CCDC148: variants seen among roughly 807,000 people sequenced by gnomAD.
CCDC148 encodes coiled-coil domain containing 148.
CCDC148 carries 89 observed loss-of-function variants against 85.7 expected under a neutral mutation model. The observed-to-expected ratio is 1.04, with a 90% CI of 0.87 to 1.24. The LOEUF is 1.24. Ranked by LOEUF, CCDC148 falls within the 50% of genes most tolerant of loss-of-function variation. CCDC148 has a pLI of 0.00. For synonymous variants in CCDC148, 230 were observed against 213.9 expected, an observed-to-expected ratio of 1.08 and a Z score of -0.66; for missense variants, 692 against 671.7, an observed-to-expected ratio of 1.03 and a Z score of -0.33.
chr2:158,361,944 C>G (rs1391512168), intron 1 of CCDC148, among the ~76,000 whole-genome samples: 1 of 133,108 alleles, frequency 7.5e-6, no homozygotes, highest in African/African-American at 2.8e-5. Context: ...CAAAGATACA[C>G]ATAGGCTCAA....
chr2:158,309,525 G>A lies in CCDC148; in HGVS notation c.1018C>T (p.Leu340Phe). 1 of 1,613,960 alleles carries A rather than the reference G, an allele frequency of 6.2e-7. No homozygotes were observed. The highest frequency in any genetic ancestry group is 8.5e-7 in the Non-Finnish European group (1 of 1,179,836). Residue 340 changes from leucine to phenylalanine, a missense_variant, in exon 9 of 14, where the codon CTC becomes TTC. By Grantham distance (22) the Leu-to-Phe change is conservative. Transcript: ENST00000283233. ...KDFIQKAVLT[L>F]TEACATHEME... ...TCATGTGTTGCACAAGCCTCAGTGA[G>A]TGTCAGCACAGCCTTCTGTATAAAG...
intron 1 of CCDC148, among the ~76,000 whole-genome samples, chr2:158,377,639 T>C (rs777197906): frequency 4.6e-5 from 7 of 152,082 alleles, no homozygotes; most frequent in Non-Finnish European, 7.4e-5. Flanking sequence ...TTCACAGATA[T>C]TGAAGTTCTG....
intron 9 of CCDC148, among the ~76,000 whole-genome samples, chr2:158,288,179 C>T (rs1264098492): frequency 6.6e-6 from 1 of 152,202 alleles, no homozygotes; most frequent in Non-Finnish European, 1.5e-5. Flanking sequence ...TGTTTTCCTC[C>T]TACACTCTGC....
intron 12 of CCDC148, 62 bp from the exon 13 acceptor site, chr2:158,176,723 T>A: frequency 6.3e-7 from 1 of 1,577,664 alleles, no homozygotes; most frequent in Non-Finnish European, 8.7e-7. Flanking sequence ...CTGGGCAACA[T>A]TATTGATGTC....
At chr2:158,393,529 A>G (rs1007730928) in intron 1 of CCDC148, among the ~76,000 whole-genome samples, 6 of 152,092 alleles carry the variant, frequency 3.9e-5, no homozygotes, top group Non-Finnish European at 8.8e-5. Context: ...CAAGGGTGGG[A>G]TATGTTTGAA....
chr2:158,212,907 A>T (rs1178280118), intron 11 of CCDC148, among the ~76,000 whole-genome samples: 2 of 152,180 alleles, frequency 1.3e-5, no homozygotes, highest in African/African-American at 4.8e-5. Context: ...ATTTCTACAA[A>T]AAGTGGAATG....
At chr2:158,304,684 G>A (rs1218366309) in intron 9 of CCDC148, among the ~76,000 whole-genome samples, 1 of 152,132 alleles carries the variant, frequency 6.6e-6, no homozygotes, top group African/African-American at 2.4e-5. Context: ...TGTTCTCACC[G>A]TAACCAGAAG....
chr2:158,258,020 G>A (rs1689078142), intron 9 of CCDC148, among the ~76,000 whole-genome samples: 2 of 151,788 alleles, frequency 1.3e-5, no homozygotes, highest in African/African-American at 4.8e-5. Context: ...TCCCAGTTCT[G>A]GGCCTCAAAT....
intron 2 of CCDC148, among the ~76,000 whole-genome samples, chr2:158,353,086 C>A (rs569964601): frequency 4.0e-5 from 6 of 151,860 alleles, no homozygotes; most frequent in Admixed American, 3.9e-4. Flanking sequence ...GCCCTAAACA[C>A]GGAAAAGAAC....
chr2:158,349,766 C>T (rs78756210), intron 2 of CCDC148, among the ~76,000 whole-genome samples: 1,531 of 152,030 alleles, frequency 0.01, 17 homozygotes, highest in Non-Finnish European at 0.016. Context: ...AAAATGAAAA[C>T]TGCATGAAGA....
At chr2:158,224,008 G>A (rs1295521140) in intron 10 of CCDC148, among the ~76,000 whole-genome samples, 2 of 152,076 alleles carry the variant, frequency 1.3e-5, no homozygotes, top group Non-Finnish European at 2.9e-5. Flanking sequence ...GGCTTCAGAC[G>A]ATCAAACTAC....
At chr2:158,371,671 C>CATATAT (rs60128846) in intron 1 of CCDC148, among the ~76,000 whole-genome samples, 1,540 of 149,388 alleles carry the variant, frequency 0.01, 19 homozygotes, top group African/African-American at 0.034. Flanking sequence ...TGTTCATATA[C>CATATAT]ATATATATAT....
At chr2:158,233,690 A>G (rs1447127352) in intron 10 of CCDC148, among the ~76,000 whole-genome samples, 4 of 152,046 alleles carry the variant, frequency 2.6e-5, no homozygotes, top group African/African-American at 9.7e-5. Flanking sequence ...TTGGAGGTGC[A>G]TTTAATCCCA....
At chr2:158,210,961 A>G (rs1362247181) in intron 11 of CCDC148, among the ~76,000 whole-genome samples, 1 of 134,816 alleles carries the variant, frequency 7.4e-6, no homozygotes, top group Non-Finnish European at 1.7e-5. Context: ...TCTGTCTCGA[A>G]AAAAAAAAAA....
At chr2:158,173,711 A>G (rs1574332630) in intron 13 of CCDC148, among the ~76,000 whole-genome samples, 1 of 152,078 alleles carries the variant, frequency 6.6e-6, no homozygotes, top group East Asian at 1.9e-4. Context: ...TGTGTCTGAG[A>G]AGCAATAAAT....
intron 1 of CCDC148, among the ~76,000 whole-genome samples, chr2:158,399,125 C>G (rs11681049): frequency 0.18 from 26,894 of 152,072 alleles, 3,110 homozygotes; most frequent in Non-Finnish European, 0.25. Flanking sequence ...GAAATTGAGG[C>G]AATAGTTAAT....
At chr2:158,277,558 C>A (rs1690011516) in intron 9 of CCDC148, among the ~76,000 whole-genome samples, 2 of 152,110 alleles carry the variant, frequency 1.3e-5, no homozygotes, top group South Asian at 2.1e-4. Context: ...AGGCATGGCC[C>A]CTTTCAATAC....
At chr2:158,430,366 T>A (rs1021496488) in intron 1 of CCDC148, among the ~76,000 whole-genome samples, 19 of 152,080 alleles carry the variant, frequency 1.2e-4, no homozygotes, top group African/African-American at 1.9e-4. Flanking sequence ...CTAATTTTTT[T>A]AAAAAAGACA....
At chr2:158,249,244 C>A (rs1323805305) in intron 10 of CCDC148, among the ~76,000 whole-genome samples, 1 of 152,104 alleles carries the variant, frequency 6.6e-6, no homozygotes, top group Non-Finnish European at 1.5e-5. Flanking sequence ...CAAGTGCCTA[C>A]GAATATAATA....
Sources: gnomAD v4.1 joint callset for allele counts (sites outside exome capture counted in the v4.1 genomes callset) on GRCh38, gnomAD v4.1.1 for gene constraint, MANE v1.5 for transcripts, NCBI Gene and HGNC (gene_info 2026-07-23, HGNC 2026-07-21) for gene names.